Variants in HIBADH observed in about 807,000 individuals in gnomAD.
The protein encoded by HIBADH is 3-hydroxyisobutyrate dehydrogenase.
In HIBADH, 25 loss-of-function variants were observed where a neutral mutation model predicts 36.1. That is an observed-to-expected ratio of 0.69 (90% CI 0.50 to 0.97). HIBADH has a LOEUF of 0.97. Among genes scored for constraint, HIBADH ranks in the 50% least tolerant of loss-of-function variants. HIBADH has a pLI of 0.00. For missense variants in HIBADH, 421 were observed against 418.0 expected (o/e 1.01, Z -0.06); for synonymous variants, 160 against 149.5 (o/e 1.07, Z -0.51).
chr7:27,609,772 T>C (rs970428288), intron 4 of HIBADH, among the ~76,000 whole-genome samples: 1 of 152,186 alleles, frequency 6.6e-6, no homozygotes, highest in African/African-American at 2.4e-5. Flanking sequence ...AATTTTATAA[T>C]AAATAACAGC....
chr7:27,541,965 T>C (rs1784157697), intron 5 of HIBADH, among the ~76,000 whole-genome samples: 1 of 152,254 alleles, frequency 6.6e-6, no homozygotes, highest in Admixed American at 6.5e-5. Flanking sequence ...GTTAATTTTA[T>C]GCCATTATGA....
chr7:27,661,739 CAACTCTCA>C (rs146088801), intron 1 of HIBADH, among the ~76,000 whole-genome samples: 1,720 of 151,978 alleles, frequency 0.011, 39 homozygotes, highest in African/African-American at 0.039. Context: ...TGCATTGTTA[CAACTCTCA>C]AACTTTCAGT....
At chr7:27,571,992 C>T (rs1784635015) in intron 4 of HIBADH, among the ~76,000 whole-genome samples, 1 of 152,154 alleles carries the variant, frequency 6.6e-6, no homozygotes, top group East Asian at 1.9e-4. Flanking sequence ...GGCTTACGAT[C>T]CATAGAACAC....
At chr7:27,567,008 T>C (rs1405257398) in intron 4 of HIBADH, among the ~76,000 whole-genome samples, 1 of 152,198 alleles carries the variant, frequency 6.6e-6, no homozygotes, top group East Asian at 1.9e-4. Flanking sequence ...CTGCTGTTGC[T>C]GCATAGAGTG....
chr7:27,618,078 C>A (rs1244151833), intron 4 of HIBADH, among the ~76,000 whole-genome samples: 1 of 152,186 alleles, frequency 6.6e-6, no homozygotes, highest in African/African-American at 2.4e-5. Flanking sequence ...AAACCCTGTG[C>A]TTGGCTTTGC....
At chr7:27,649,376 C>T (rs1372061781) in intron 2 of HIBADH, 97 bp downstream of exon 2, 3 of 891,712 alleles carry the variant, frequency 3.4e-6, no homozygotes, top group Admixed American at 6.0e-5. Context: ...AGGTTTACAA[C>T]TCCATTGGGT....
chr7:27,637,470 T>C (rs1785861394), intron 2 of HIBADH, among the ~76,000 whole-genome samples: 1 of 152,144 alleles, frequency 6.6e-6, no homozygotes, highest in South Asian at 2.1e-4. Context: ...GGATAAGCTA[T>C]AACAAACCCA....
intron 1 of HIBADH, among the ~76,000 whole-genome samples, chr7:27,655,796 G>A (rs1033491332): frequency 5.3e-5 from 8 of 151,760 alleles, no homozygotes; most frequent in Non-Finnish European, 5.9e-5. Flanking sequence ...CATAATTAGA[G>A]AAATGCAAAA....
chr7:27,590,264 A>T (rs925857713), intron 4 of HIBADH, among the ~76,000 whole-genome samples: 3 of 152,080 alleles, frequency 2.0e-5, no homozygotes, highest in Non-Finnish European at 4.4e-5. Context: ...AGACTCAGAA[A>T]AGTTAATTTG....
chr7:27,603,822 CCAATA>C (rs1785173264), intron 4 of HIBADH, among the ~76,000 whole-genome samples: 2 of 152,016 alleles, frequency 1.3e-5, no homozygotes, highest in African/African-American at 4.8e-5. Flanking sequence ...GCAAATGATA[CCAATA>C]ATTAAGAATC....
At chr7:27,555,947 T>C (rs1784382747) in intron 4 of HIBADH, among the ~76,000 whole-genome samples, 3 of 152,192 alleles carry the variant, frequency 2.0e-5, no homozygotes, top group Non-Finnish European at 4.4e-5. Flanking sequence ...TTCCTTGCCC[T>C]TTCTCTTCAA....
chr7:27,657,045 C>T (rs368269752), intron 1 of HIBADH, among the ~76,000 whole-genome samples: 4 of 152,148 alleles, frequency 2.6e-5, no homozygotes, highest in Admixed American at 6.5e-5. Flanking sequence ...GGTTCAGGAG[C>T]TGCCAGCCCT....
intron 2 of HIBADH, among the ~76,000 whole-genome samples, chr7:27,642,565 G>A (rs781117494): frequency 9.2e-5 from 14 of 151,652 alleles, no homozygotes; most frequent in Non-Finnish European, 2.1e-4. Context: ...TCCACTTTTT[G>A]AGGAAACTGC....
intron 2 of HIBADH, among the ~76,000 whole-genome samples, chr7:27,634,657 C>T (rs1455513893): frequency 2.0e-5 from 3 of 152,172 alleles, no homozygotes; most frequent in Admixed American, 6.5e-5. Context: ...ATCAGTAAGA[C>T]CTGAGGTCTA....
At chr7:27,604,425 TG>T (rs1195877635) in intron 4 of HIBADH, among the ~76,000 whole-genome samples, 4 of 67,736 alleles carry the variant, frequency 5.9e-5, no homozygotes, top group Admixed American at 1.4e-4. Flanking sequence ...CTATCAAATT[TG>T]ATTTTTTTTT....
At chr7:27,609,470 A>G (rs1472799771) in intron 4 of HIBADH, among the ~76,000 whole-genome samples, 1 of 152,194 alleles carries the variant, frequency 6.6e-6, no homozygotes, top group Non-Finnish European at 1.5e-5. Context: ...GGCTAAAGAT[A>G]TTCTCCAGAG....
chr7:27,604,177 T>C (rs1476204015), intron 4 of HIBADH, among the ~76,000 whole-genome samples: 2 of 152,124 alleles, frequency 1.3e-5, no homozygotes, highest in African/African-American at 2.4e-5. Context: ...GTAAGAATTG[T>C]TTTTCTCATT....
At chr7:27,611,379 G>A (rs1226972424) in intron 4 of HIBADH, among the ~76,000 whole-genome samples, 1 of 152,138 alleles carries the variant, frequency 6.6e-6, no homozygotes, top group African/African-American at 2.4e-5. Context: ...TTGGTCATTA[G>A]TCACTAGCAA....
At chr7:27,558,302 G>A (rs1442279816) in intron 4 of HIBADH, among the ~76,000 whole-genome samples, 1 of 151,856 alleles carries the variant, frequency 6.6e-6, no homozygotes, top group African/African-American at 2.4e-5. Flanking sequence ...TTTTATTCTA[G>A]TTTATTGAGT....
Sources: allele counts gnomAD v4.1 joint callset (sites outside exome capture counted in the v4.1 genomes callset), GRCh38; gene constraint gnomAD v4.1.1; transcripts MANE v1.5; gene names NCBI Gene and HGNC (gene_info 2026-07-23, HGNC 2026-07-21).